Variants in ATP1B1 observed in about 807,000 individuals in gnomAD.
The protein encoded by ATP1B1 is sodium/potassium-transporting ATPase subunit beta-1.
ATP1B1 carries 3 observed loss-of-function variants against 39.6 expected under a neutral mutation model. The observed-to-expected ratio is 0.08, with a 90% CI of 0.03 to 0.20. The LOEUF is 0.20. ATP1B1 is among the 10% of genes least tolerant of loss of function. ATP1B1 has a pLI of 1.00. For missense variants in ATP1B1, 216 were observed against 371.1 expected (o/e 0.58, Z 3.43); for synonymous variants, 139 against 135.0 (o/e 1.03, Z -0.20).
rs1658053442 is a variant in ATP1B1 at position 169,124,802 on chromosome 1, A to G, written c.227-82A>G. On this transcript the variant is annotated intron_variant, in intron 2 of 5. Coordinates refer to ENST00000367815, the MANE Select transcript of ATP1B1 (RefSeq NM_001677.4). Reference sequence around the variant, plus strand: ...TTTAGCCAAGTGGAGTTAGCAAAGTATGTTTTGTATGTGGAAAGTCTACTT... The same window carrying G: ...TTTAGCCAAGTGGAGTTAGCAAAGTGTGTTTTGTATGTGGAAAGTCTACTT... 4.7e-6 allele frequency: 7 copies of G among 1,486,722 alleles called. No homozygotes were observed. In the South Asian group the frequency reaches 6.1e-5, roughly 13 times the overall value. 92.1% of individuals were successfully genotyped at this position (1,486,722 alleles called of 1,614,324 possible). A position where few individuals can be genotyped will look rare whatever the true frequency, so the allele number is the denominator to read the frequency against.
chr1:169,113,623 C>G (rs1422325118), intron 2 of ATP1B1, among the ~76,000 whole-genome samples: 1 of 152,236 alleles, frequency 6.6e-6, no homozygotes, highest in Non-Finnish European at 1.5e-5. Context: ...AATCAACTGG[C>G]TGAAGTGCTC....
At chr1:169,123,371 G>C (rs373273628) in intron 2 of ATP1B1, among the ~76,000 whole-genome samples, 2 of 151,982 alleles carry the variant, frequency 1.3e-5, no homozygotes, top group East Asian at 3.9e-4. Context: ...CTAAATGATA[G>C]TGACATAGGT....
chr1:169,128,485 T>C (rs1658133457), intron 4 of ATP1B1, among the ~76,000 whole-genome samples: 1 of 151,988 alleles, frequency 6.6e-6, no homozygotes, highest in African/African-American at 2.4e-5. Flanking sequence ...AATGAGTAGG[T>C]GGGGATGGAT....
chr1:169,125,107 AT>A (rs1557951680), intron 3 of ATP1B1, 68 bp downstream of exon 3: 1 of 1,487,500 alleles, frequency 6.7e-7, no homozygotes, highest in East Asian at 2.4e-5. Flanking sequence ...TCCCACTTCT[AT>A]TTTTTGTTTA....
chr1:169,114,509 A>G (rs1422393411), intron 2 of ATP1B1, among the ~76,000 whole-genome samples: 2 of 152,174 alleles, frequency 1.3e-5, no homozygotes, highest in African/African-American at 4.8e-5. Flanking sequence ...TCTCTTCTCA[A>G]TAACGTGTGA....
intron 2 of ATP1B1, among the ~76,000 whole-genome samples, chr1:169,117,238 T>C (rs1336443716): frequency 6.6e-6 from 1 of 152,220 alleles, no homozygotes; most frequent in Non-Finnish European, 1.5e-5. Flanking sequence ...CCTGTCTACC[T>C]GGTCCCAGAA....
At chr1:169,115,351 C>CTTTT (rs536780262) in intron 2 of ATP1B1, among the ~76,000 whole-genome samples, 1 of 138,670 alleles carries the variant, frequency 7.2e-6, no homozygotes, top group Non-Finnish European at 1.6e-5. Flanking sequence ...TTCTTTTTTT[C>CTTTT]TTTTTTTTTT....
In ATP1B1 at chr1:169,131,107, A is replaced by G. The variant is rs1229373614; in HGVS notation, c.649-185A>G. 1.3e-5 allele frequency among the ~76,000 whole-genome samples: 2 copies of G among 152,144 alleles called. No homozygotes were observed. Among genetic ancestry groups the G allele is most frequent in the African/African-American group, 4.8e-5 (2 of 41,442 alleles). ...GGCATTTGACTCAGCTTCCCCATCC[A>G]TTTGCACATTGAGAATAGTCTCTTC... On this transcript the variant is annotated intron_variant, in intron 5 of 5. Coordinates refer to ENST00000367815, the MANE Select transcript of ATP1B1 (RefSeq NM_001677.4). This position sits in a 1 kb window ranked among gnomAD's most constrained non-coding sequence, Gnocchi z 4.4.
chr1:169,110,753 C>T (rs1295500063), intron 1 of ATP1B1: 7 of 1,114,504 alleles, frequency 6.3e-6, no homozygotes, highest in Non-Finnish European at 8.3e-6. Flanking sequence ...CTTGTCTTGT[C>T]CTCCGAGGGG....
chr1:169,131,770 AAG>A lies in ATP1B1; in HGVS notation c.*217_*218del, dbSNP rs1658226184. ...ATTCTACTGTAAATGACAAAAGAAA[AAG>A]AAAAATTGAGCCTTGGGACGTGCCC... On this transcript the variant is annotated 3_prime_UTR_variant, in exon 6 of 6. Coordinates refer to ENST00000367815, the MANE Select transcript of ATP1B1 (RefSeq NM_001677.4). This position sits in a 1 kb window ranked among gnomAD's most constrained non-coding sequence, Gnocchi z 4.4. The A allele has an allele frequency of 3.1e-6, 2 of 637,806 alleles. No individual in the cohort carries two copies. The highest frequency in any genetic ancestry group is 2.4e-5 in the South Asian group (1 of 41,810). 39.5% of individuals were successfully genotyped at this position (637,806 alleles called of 1,614,324 possible).
rs1184924860 is a variant in ATP1B1 at position 169,106,862 on chromosome 1, C to T, written c.33C>T (p.Ser11=). The change falls in exon 1 of 6, where the codon AGC becomes AGT. Residue 11 remains serine, a synonymous_variant. Transcript: ENST00000367815. ...GCGGGAAAGCCAAGGAGGAGGGCAG[C>T]TGGAAGAAATTCATCTGGAACTCAG... The part of the protein sequence containing the change: MARGKAKEEG[S]WKKFIWNSEK... The T allele has an allele frequency of 6.3e-7, 1 of 1,586,262 alleles. No individual in the cohort carries two copies. Among genetic ancestry groups the T allele is most frequent in the South Asian group, 1.1e-5 (1 of 88,058 alleles).
At chr1:169,108,224 A>G in intron 1 of ATP1B1, 1 of 152,194 alleles carries the variant, frequency 6.6e-6, no homozygotes, top group South Asian at 2.1e-4. Context: ...TCCCTGAGCC[A>G]TGGAAAATGT....
At position 169,131,087 on chromosome 1, in the gene ATP1B1, T is replaced by C. The variant is rs1292907893; in HGVS notation, c.649-205T>C. Among the ~76,000 whole-genome samples the C allele has an allele frequency of 6.6e-6, 1 of 152,212 alleles. No individual in the cohort carries two copies. The highest frequency in any genetic ancestry group is 1.5e-5 in the Non-Finnish European group (1 of 68,028). On this transcript the variant is annotated intron_variant, in intron 5 of 5. Coordinates refer to ENST00000367815, the MANE Select transcript of ATP1B1 (RefSeq NM_001677.4). This position sits in a 1 kb window ranked among gnomAD's most constrained non-coding sequence, Gnocchi z 4.4. ...GGCTTGAAGAATGCTTATTTGGCAT[T>C]TGACTCAGCTTCCCCATCCATTTGC...
rs1428553485 is a variant in ATP1B1, at chr1:169,115,387, C to T, written c.226+3889C>T. On this transcript the variant is annotated intron_variant, in intron 2 of 5. Transcript: ENST00000367815. ...TTTTCAAGAGGGAGTCTTCTTCTGT[C>T]GCCCAGGCTGGAGTGCAGTGGCATG... is the stretch of plus-strand genomic sequence containing the variant. Among the ~76,000 whole-genome samples, 30 of 145,240 alleles carry T rather than the reference C, an allele frequency of 2.1e-4. No individual in the cohort carries two copies. In the East Asian group the frequency reaches 4.3e-3, roughly 21 times the overall value.
At chr1:169,114,601 C>T (rs1245144745) in intron 2 of ATP1B1, among the ~76,000 whole-genome samples, 1 of 152,030 alleles carries the variant, frequency 6.6e-6, no homozygotes, top group East Asian at 1.9e-4. Flanking sequence ...AACTGAGAGG[C>T]CAAACATGAA....
At chr1:169,107,354 G>A (rs1657617977) in intron 1 of ATP1B1, among the ~76,000 whole-genome samples, 2 of 152,184 alleles carry the variant, frequency 1.3e-5, no homozygotes, top group Admixed American at 1.3e-4. Context: ...TGCAGACGAG[G>A]TTGTGTGTTA....
intron 2 of ATP1B1, among the ~76,000 whole-genome samples, chr1:169,123,215 T>C (rs1371027759): frequency 6.6e-6 from 1 of 152,212 alleles, no homozygotes; most frequent in Non-Finnish European, 1.5e-5. Context: ...ACTCTCAGAT[T>C]ATAATTCCCT....
At chr1:169,118,819 T>A (rs1184745097) in intron 2 of ATP1B1, among the ~76,000 whole-genome samples, 1 of 152,220 alleles carries the variant, frequency 6.6e-6, no homozygotes, top group East Asian at 1.9e-4. Flanking sequence ...TCCTGTGCCC[T>A]TCTCAGTCAT....
In ATP1B1 at chr1:169,131,720, G is replaced by A; in HGVS notation, c.*165G>A. 4.9e-6 allele frequency: 4 copies of A among 819,870 alleles called. No homozygotes were observed. The highest frequency in any genetic ancestry group is 5.4e-6 in the Non-Finnish European group (3 of 555,254). 50.8% of individuals were successfully genotyped at this position (819,870 alleles called of 1,614,324 possible). ...TTAATAGGTTAGAATGTAAATTAAAGTGTAGCAATAGCAACAAAATATTTA... is the reference window on the plus strand; with the variant it reads ...TTAATAGGTTAGAATGTAAATTAAAATGTAGCAATAGCAACAAAATATTTA... On this transcript the variant is annotated 3_prime_UTR_variant, in exon 6 of 6. Coordinates refer to ENST00000367815, the MANE Select transcript of ATP1B1 (RefSeq NM_001677.4). The surrounding 1 kb of genome is among the most constrained non-coding windows in gnomAD (Gnocchi z 4.4).
Sources: gnomAD v4.1 joint callset for allele counts (sites outside exome capture counted in the v4.1 genomes callset) on GRCh38, gnomAD v4.1.1 for gene constraint, Gnocchi (gnomAD v3.1) non-coding constraint, MANE v1.5 for transcripts, NCBI Gene and HGNC (gene_info 2026-07-23, HGNC 2026-07-21) for gene names.